TAPBP: variants seen among roughly 807,000 people sequenced by gnomAD.
The protein encoded by TAPBP is tapasin.
A neutral mutation model predicts 45.7 loss-of-function variants in TAPBP; 38 were observed. The ratio of observed to expected loss-of-function variants is 0.83; its 90% CI spans 0.64 to 1.09. TAPBP has a LOEUF of 1.09. Among genes scored for constraint, TAPBP ranks in the 50% least tolerant of loss-of-function variants. The pLI, the probability that TAPBP is intolerant of heterozygous loss-of-function variation, is 0.00. For missense variants in TAPBP, 513 were observed against 587.3 expected (o/e 0.87, Z 1.31); for synonymous variants, 226 against 254.8 (o/e 0.89, Z 1.08).
intron 3 of TAPBP, among the ~76,000 whole-genome samples, chr6:33,306,321 C>A (rs1424536855): frequency 6.6e-6 from 1 of 152,242 alleles, no homozygotes; most frequent in East Asian, 1.9e-4. Flanking sequence ...ACACTAAAAG[C>A]AAACCCTTGG....
chr6:33,301,161 C>T lies in TAPBP; in HGVS notation c.*599G>A, dbSNP rs531146303. On this transcript the variant is annotated 3_prime_UTR_variant, in exon 8 of 8. Transcript: ENST00000434618. ...AATATTGATAGCTATAACCCACATACCCAAAAGCTTTTTGGGGTCCTTGAT... is the reference window on the plus strand; with the variant it reads ...AATATTGATAGCTATAACCCACATATCCAAAAGCTTTTTGGGGTCCTTGAT... The T allele has an allele frequency of 3.4e-4, 52 of 152,448 alleles. 2 individuals carry two copies. Among genetic ancestry groups the T allele is most frequent in the South Asian group, 1.9e-3 (9 of 4,848 alleles). The allele number at this position is 152,448 out of a possible 1,614,324, so 9.4% of individuals were successfully genotyped here. A position where few individuals can be genotyped will look rare whatever the true frequency, so the allele number is the denominator to read the frequency against.
Position 33,305,154 on chromosome 6 carries a change from C to T in TAPBP, c.703G>A (p.Ala235Thr), listed in dbSNP as rs1457997555. 1 of 1,614,124 alleles carries T rather than the reference C, an allele frequency of 6.2e-7. No individual in the cohort carries two copies. Among genetic ancestry groups the T allele is most frequent in the African/African-American group, 1.3e-5 (1 of 74,944 alleles). ...NGQMPAAQEGAVAFAAWDDDE... is the reference protein window; with the variant it reads ...NGQMPAAQEGTVAFAAWDDDE... ...TCATCCCAAGCAGCAAATGCCACGG[C>T]CCCTTCTTGGGCTGCTGGCATCTGG... The change falls in exon 4 of 8, where the codon GCC (alanine) becomes ACC (threonine). Residue 235 changes from alanine to threonine, a missense_variant. Coordinates refer to ENST00000434618, the MANE Select transcript of TAPBP (RefSeq NM_003190.5). This position sits in a 1 kb window ranked among gnomAD's most constrained non-coding sequence, Gnocchi z 4.4.
At chr6:33,309,022 A>C (rs1769158763) in intron 3 of TAPBP, among the ~76,000 whole-genome samples, 1 of 152,092 alleles carries the variant, frequency 6.6e-6, no homozygotes, top group Non-Finnish European at 1.5e-5. Flanking sequence ...GGAATTGTTC[A>C]GTAGAGTAAA....
At position 33,313,437 on chromosome 6, in the gene TAPBP, G is replaced by T; in HGVS notation, c.249C>A (p.Pro83=). 1.3e-6 allele frequency: 2 copies of T among 1,597,148 alleles called. No individual in the cohort carries two copies. The highest frequency in any genetic ancestry group is 2.3e-5 in the East Asian group (1 of 44,302). ...GALQAAFRRY[P]RGAPAPHCEM... is the part of the protein sequence containing the mutation. ...CGCAGTGTGGTGCGGGGGCGCCCCGGGGATACCGCCTGAAGGCAGCCTGGA... is the reference window on the plus strand; with the variant it reads ...CGCAGTGTGGTGCGGGGGCGCCCCGTGGATACCGCCTGAAGGCAGCCTGGA... Residue 83 remains proline, a synonymous_variant, in exon 3 of 8, where the codon CCC becomes CCA. Transcript: ENST00000434618. This position sits in a 1 kb window ranked among gnomAD's most constrained non-coding sequence, Gnocchi z 7.2.
rs1490548390 is a variant in TAPBP, at chr6:33,304,445, G to A, written c.1062C>T (p.His354=). ...AGAGGCTGACAGAGCCATCGGAATG[G>A]TGGCGCAGGGCCGAGAGCCACCTCT... ...EGQRWLSALR[H]HSDGSVSLSG... Residue 354 remains histidine, a synonymous_variant, in exon 5 of 8, where the codon CAC becomes CAT. Transcript: ENST00000434618. 8 of 1,611,634 alleles carry A rather than the reference G, an allele frequency of 5.0e-6. No homozygotes were observed. Among genetic ancestry groups the A allele is most frequent in the Non-Finnish European group, 6.8e-6 (8 of 1,178,896 alleles).
intron 7 of TAPBP, among the ~76,000 whole-genome samples, chr6:33,302,646 C>T (rs1581736462): frequency 6.9e-6 from 1 of 143,958 alleles, no homozygotes; most frequent in East Asian, 2.1e-4. Flanking sequence ...ATTTCTTTTT[C>T]TTTTTTTTTT....
chr6:33,307,211 C>T (rs1259725038), intron 3 of TAPBP, among the ~76,000 whole-genome samples: 2 of 151,922 alleles, frequency 1.3e-5, no homozygotes, highest in Admixed American at 6.6e-5. Context: ...TCACTTGAAC[C>T]TGGGAGGTAG....
chr6:33,311,501 A>ATG (rs1769341701), intron 3 of TAPBP, among the ~76,000 whole-genome samples: 1 of 148,672 alleles, frequency 6.7e-6, no homozygotes, highest in Non-Finnish European at 1.5e-5. Context: ...GGTGGCAGGC[A>ATG]CCTGTAATCC....
At position 33,301,461 on chromosome 6, in the gene TAPBP, C is replaced by G; in HGVS notation, c.*299G>C. 1 of 400,754 alleles carries G rather than the reference C, an allele frequency of 2.5e-6. No individual in the cohort carries two copies. Among genetic ancestry groups the G allele is most frequent in the South Asian group, 3.7e-5 (1 of 26,780 alleles). The allele number at this position is 400,754 out of a possible 1,614,324, so 24.8% of individuals were successfully genotyped here. A position where few individuals can be genotyped will look rare whatever the true frequency, so the allele number is the denominator to read the frequency against. ...TGGTGGCATGTGCCTGTAATCCCAG[C>G]TACTCCGGAGGCTGAAGCCACAGAA... is the stretch of plus-strand genomic sequence containing the variant. On this transcript the variant is annotated 3_prime_UTR_variant, in exon 8 of 8. Coordinates refer to ENST00000434618, the MANE Select transcript of TAPBP (RefSeq NM_003190.5).
intron 3 of TAPBP, among the ~76,000 whole-genome samples, chr6:33,306,334 T>C (rs1190033240): frequency 1.3e-5 from 2 of 152,128 alleles, no homozygotes; most frequent in Admixed American, 6.5e-5. Flanking sequence ...ACCCTTGGAG[T>C]TACTCAGACT....
rs1189485694 is a variant in TAPBP, at chr6:33,313,708, T to C, written c.194A>G (p.Tyr65Cys). ...PPRPDLDPEL[Y>C]LSVHDPAGAL... is the part of the protein sequence containing the mutation. Reference sequence around the variant, plus strand: ...TAGAGACTCACCGTGTACACTGAGATAGAGCTCAGGGTCGAGGTCCGGCCG... The same window carrying C: ...TAGAGACTCACCGTGTACACTGAGACAGAGCTCAGGGTCGAGGTCCGGCCG... The change falls in exon 2 of 8, where the codon TAT becomes TGT. Residue 65 changes from tyrosine (Y) to cysteine (C), a missense_variant. By Grantham distance (194) the Tyr-to-Cys change is radical. Transcript: ENST00000434618. This position sits in a 1 kb window ranked among gnomAD's most constrained non-coding sequence, Gnocchi z 7.2. 2 of 1,612,944 alleles carry C rather than the reference T, an allele frequency of 1.2e-6. No homozygotes were observed. The highest frequency in any genetic ancestry group is 2.7e-5 in the African/African-American group (2 of 74,968).
chr6:33,309,439 C>T (rs899186262), intron 3 of TAPBP, among the ~76,000 whole-genome samples: 1 of 151,402 alleles, frequency 6.6e-6, no homozygotes, highest in Non-Finnish European at 1.5e-5. Flanking sequence ...CAGGGTGGCT[C>T]AGACTTGTAA....
rs1335641820 is a variant in TAPBP at position 33,305,979 on chromosome 6, G to A, written c.470-592C>T. 1.3e-5 allele frequency among the ~76,000 whole-genome samples: 2 copies of A among 152,044 alleles called. No individual in the cohort carries two copies. The highest frequency in any genetic ancestry group is 4.8e-5 in the African/African-American group (2 of 41,390). On this transcript the variant is annotated intron_variant, in intron 3 of 7. Transcript: ENST00000434618. The surrounding 1 kb of genome is among the most constrained non-coding windows in gnomAD (Gnocchi z 4.4). ...TCTGCAGCTTATTTATATGGCCTTGGGCCACTTCCTTTTTCCATGGCTCAG... is the reference window on the plus strand; with the variant it reads ...TCTGCAGCTTATTTATATGGCCTTGAGCCACTTCCTTTTTCCATGGCTCAG...
At chr6:33,303,873 A>G in intron 7 of TAPBP, 82 bp downstream of exon 7, 1 of 1,613,706 alleles carries the variant, frequency 6.2e-7, no homozygotes, top group Non-Finnish European at 8.5e-7. Context: ...CTACCACACC[A>G]GCAGCCTCCC....
At position 33,313,356 on chromosome 6, in the gene TAPBP, G is replaced by A. The variant is rs770069232; in HGVS notation, c.330C>T (p.Thr110=). 4 of 1,613,020 alleles carry A rather than the reference G, an allele frequency of 2.5e-6. No individual in the cohort carries two copies. In the Admixed American group the frequency reaches 5.0e-5, roughly 20 times the overall value. The change falls in exon 3 of 8, where the codon ACC becomes ACT. Residue 110 remains threonine, a synonymous_variant. Coordinates refer to ENST00000434618, the MANE Select transcript of TAPBP (RefSeq NM_003190.5). This position sits in a 1 kb window ranked among gnomAD's most constrained non-coding sequence, Gnocchi z 7.2. The part of the protein sequence containing the change: ...PASAKWASGL[T]PAQNCPRALD... Reference sequence around the variant, plus strand: ...GGGCCCGCGGGCAGTTCTGCGCGGGGGTCAGGCCGCTGGCCCATTTCGCAG... The same window carrying A: ...GGGCCCGCGGGCAGTTCTGCGCGGGAGTCAGGCCGCTGGCCCATTTCGCAG...
chr6:33,313,167 C>G lies in TAPBP; in HGVS notation c.469+50G>C. On this transcript the variant is annotated intron_variant, in intron 3 of 7. Transcript: ENST00000434618. The surrounding 1 kb of genome is among the most constrained non-coding windows in gnomAD (Gnocchi z 7.2). ...CCATAAAGCGAGACCACCGGCTGAT[C>G]TGGACCCTTAGAATCTACCCACCCT... 1 of 1,562,916 alleles carries G rather than the reference C, an allele frequency of 6.4e-7. No individual in the cohort carries two copies.
intron 4 of TAPBP, 53 bp downstream of exon 4, chr6:33,304,933 TCCC>T: frequency 6.3e-7 from 1 of 1,591,516 alleles, no homozygotes; most frequent in Non-Finnish European, 8.6e-7. Context: ...CCTATTACGG[TCCC>T]CACAATCCAG....
chr6:33,311,247 C>A (rs544701791), intron 3 of TAPBP, among the ~76,000 whole-genome samples: 1 of 151,940 alleles, frequency 6.6e-6, no homozygotes, highest in Admixed American at 6.6e-5. Context: ...ACATGGGAGA[C>A]GGAGGTTGCA....
In TAPBP at chr6:33,314,051, AC is replaced by A; in HGVS notation, c.-11del. 1 of 1,612,290 alleles carries A rather than the reference AC, an allele frequency of 6.2e-7. No individual in the cohort carries two copies. Among genetic ancestry groups the A allele is most frequent in the Non-Finnish European group, 8.5e-7 (1 of 1,179,576 alleles). Reference sequence around the variant, plus strand: ...GAGACAGGGACTTCATGGCGCTGCGACCTCCTCAGCCATGAAGCCTCCTCTT... The same window carrying A: ...GAGACAGGGACTTCATGGCGCTGCGACTCCTCAGCCATGAAGCCTCCTCTT... On this transcript the variant is annotated 5_prime_UTR_variant, in exon 1 of 8. Transcript: ENST00000434618.
Sources: allele counts gnomAD v4.1 joint callset (sites outside exome capture counted in the v4.1 genomes callset), GRCh38; gene constraint gnomAD v4.1.1; non-coding constraint Gnocchi (gnomAD v3.1); transcripts MANE v1.5; gene names NCBI Gene and HGNC (gene_info 2026-07-23, HGNC 2026-07-21).